The following ELF1 variants were observed in gnomAD, a reference collection of about 807,000 sequenced individuals.
ELF1 encodes E74 like ETS transcription factor 1, also known as ETS-related transcription factor Elf-1.
A neutral mutation model predicts 59.9 loss-of-function variants in ELF1; 24 were observed. The ratio of observed to expected loss-of-function variants is 0.40; its 90% CI spans 0.29 to 0.56. The LOEUF (loss-of-function observed/expected upper bound fraction) is 0.56. Ranked by LOEUF, ELF1 falls within the 20% of genes least tolerant of loss-of-function variation. The pLI is 0.44. For synonymous variants in ELF1, 248 were observed against 266.2 expected (o/e 0.93, Z 0.67); for missense variants, 627 against 742.2 (o/e 0.84, Z 1.80).
chr13:40,971,702 A>G (rs574948125), intron 2 of ELF1, among the ~76,000 whole-genome samples: 42 of 152,382 alleles, frequency 2.8e-4, no homozygotes, highest in Non-Finnish European at 1.5e-5. Flanking sequence ...ATTTTTTAAC[A>G]AAGTCTAATC....
chr13:41,054,418 T>A (rs1052918268), intron 1 of ELF1, among the ~76,000 whole-genome samples: 2 of 152,164 alleles, frequency 1.3e-5, no homozygotes, highest in African/African-American at 4.8e-5. Flanking sequence ...AGGGTGGCAG[T>A]CTCACAGTAT....
At chr13:40,938,331 G>C (rs1038019885) in intron 8 of ELF1, among the ~76,000 whole-genome samples, 4 of 152,056 alleles carry the variant, frequency 2.6e-5, no homozygotes, top group Non-Finnish European at 5.9e-5. Context: ...CATATATACT[G>C]TACACCAATT....
chr13:40,993,387 T>C, intron 1 of ELF1: 3 of 894,054 alleles, frequency 3.4e-6, no homozygotes, highest in Non-Finnish European at 5.5e-6. Context: ...AGTGCACCGA[T>C]GGGTCTGGGG....
At chr13:41,016,129 C>G (rs1416148458) in intron 1 of ELF1, among the ~76,000 whole-genome samples, 1 of 152,118 alleles carries the variant, frequency 6.6e-6, no homozygotes, top group African/African-American at 2.4e-5. Flanking sequence ...TGGTTCTGTT[C>G]TTTACTTCAC....
At chr13:40,955,954 G>A (rs1262827978) in intron 3 of ELF1, among the ~76,000 whole-genome samples, 34 of 115,296 alleles carry the variant, frequency 2.9e-4, no homozygotes, top group Non-Finnish European at 6.0e-4. Flanking sequence ...GAGGCGGGGG[G>A]GTCAGCCCCC....
chr13:40,944,033 A>G, intron 5 of ELF1, 108 bp from the exon 6 acceptor site: 1 of 999,312 alleles, frequency 1.0e-6, no homozygotes, highest in Non-Finnish European at 1.5e-6. Context: ...AAATGTTTTT[A>G]TACATGGGTC....
intron 1 of ELF1, among the ~76,000 whole-genome samples, chr13:41,031,950 T>C (rs1382593555): frequency 6.6e-6 from 1 of 151,734 alleles, no homozygotes; most frequent in South Asian, 2.1e-4. Context: ...ATTATACATA[T>C]CATACTTCAC....
Position 40,991,678 on chromosome 13 carries a change from T to C in ELF1, c.-228-9396A>G, listed in dbSNP as rs9562261. Among the ~76,000 whole-genome samples the C allele has an allele frequency of 2.8e-3, 420 of 152,314 alleles. 7 individuals carry two copies. The East Asian group carries it at 0.052, about 19-fold the overall frequency. ...GTGTTTTCTAATTGTCAATCTCTTA[T>C]ATCTTAGTCTTAGGCCTATAACTCA... On this transcript the variant is annotated intron_variant, in intron 1 of 8. Coordinates refer to ENST00000239882, the MANE Select transcript of ELF1 (RefSeq NM_172373.4).
At chr13:41,008,947 T>A (rs1874900402) in intron 1 of ELF1, among the ~76,000 whole-genome samples, 1 of 151,888 alleles carries the variant, frequency 6.6e-6, no homozygotes, top group African/African-American at 2.4e-5. Flanking sequence ...AACATATTTG[T>A]CTTTTTTGCA....
At chr13:40,998,858 C>T (rs1260412042) in intron 1 of ELF1, among the ~76,000 whole-genome samples, 1 of 152,086 alleles carries the variant, frequency 6.6e-6, no homozygotes. Flanking sequence ...ACCAGCCTGG[C>T]CAACGTGATG....
Position 40,934,708 on chromosome 13 carries a change from C to G in ELF1, c.1257-680G>C, listed in dbSNP as rs76733987. Among the ~76,000 whole-genome samples, 1,052 of 152,294 alleles carry G rather than the reference C, an allele frequency of 6.9e-3. 10 individuals carry two copies. The highest frequency in any genetic ancestry group is 0.024 in the African/African-American group (1,004 of 41,566). On this transcript the variant is annotated intron_variant, in intron 8 of 8. Transcript: ENST00000239882. ...GTGCTGGGATTATAGGCATGAGCCA[C>G]TGTGCCCGGCCTGCTATTTTAATAT...
At chr13:41,013,426 T>A (rs1875191118) in intron 1 of ELF1, among the ~76,000 whole-genome samples, 1 of 152,136 alleles carries the variant, frequency 6.6e-6, no homozygotes, top group African/African-American at 2.4e-5. Flanking sequence ...AAAAGTAACA[T>A]AAGTCACAAA....
chr13:40,982,690 A>G (rs934669796), intron 1 of ELF1, among the ~76,000 whole-genome samples: 1 of 152,162 alleles, frequency 6.6e-6, no homozygotes, highest in African/African-American at 2.4e-5. Flanking sequence ...TAATTTCACA[A>G]CGTATATATT....
chr13:40,951,309 A>G lies in ELF1; in HGVS notation c.361+20T>C. 1.9e-6 allele frequency: 3 copies of G among 1,576,858 alleles called. No homozygotes were observed. The highest frequency in any genetic ancestry group is 2.6e-6 in the Non-Finnish European group (3 of 1,150,388). On this transcript the variant is annotated intron_variant, in intron 4 of 8. Coordinates refer to ENST00000239882, the MANE Select transcript of ELF1 (RefSeq NM_172373.4). Reference sequence around the variant, plus strand: ...GTAACTTAACAAAGTACATAAACATAAACAATCATAATCACTCACTTATTC... The same window carrying G: ...GTAACTTAACAAAGTACATAAACATGAACAATCATAATCACTCACTTATTC...
intron 8 of ELF1, among the ~76,000 whole-genome samples, chr13:40,934,440 T>TTA (rs1869627902): frequency 7.0e-6 from 1 of 141,920 alleles, no homozygotes; most frequent in Non-Finnish European, 1.5e-5. Context: ...TTTTTTTTTT[T>TTA]AGATGGAGTT....
At chr13:41,057,580 T>A (rs1388457400) in intron 1 of ELF1, among the ~76,000 whole-genome samples, 1 of 152,128 alleles carries the variant, frequency 6.6e-6, no homozygotes, top group African/African-American at 2.4e-5. Flanking sequence ...ATTTTTTGTA[T>A]TTTTGGTAGA....
At chr13:41,042,676 T>C (rs1345434163) in intron 1 of ELF1, among the ~76,000 whole-genome samples, 3 of 152,220 alleles carry the variant, frequency 2.0e-5, no homozygotes, top group African/African-American at 7.2e-5. Context: ...CCATGGTGTA[T>C]ATGTGCCACA....
At chr13:41,032,719 G>A (rs1186924585) in intron 1 of ELF1, among the ~76,000 whole-genome samples, 1 of 151,898 alleles carries the variant, frequency 6.6e-6, no homozygotes, top group African/African-American at 2.4e-5. Context: ...GTATGGTGGT[G>A]CAAGCCTGTA....
At chr13:41,060,101 G>T (rs968623679) in intron 1 of ELF1, among the ~76,000 whole-genome samples, 1 of 152,184 alleles carries the variant, frequency 6.6e-6, no homozygotes, top group Non-Finnish European at 1.5e-5. Context: ...CTCGCAGGCC[G>T]GCCTCGCGCT....
Sources: gnomAD v4.1 joint callset for allele counts (sites outside exome capture counted in the v4.1 genomes callset) on GRCh38, gnomAD v4.1.1 for gene constraint, MANE v1.5 for transcripts, NCBI Gene and HGNC (gene_info 2026-07-23, HGNC 2026-07-21) for gene names.